Variants in NRG3 observed in about 807,000 individuals in gnomAD.
NRG3 encodes the protein neuregulin 3.
In NRG3, 31 loss-of-function variants were observed where a neutral mutation model predicts 66.9. The ratio of observed to expected loss-of-function variants is 0.46; its 90% CI spans 0.35 to 0.63. NRG3 has a LOEUF of 0.63. NRG3 is among the 20% of genes least tolerant of loss of function. The pLI is 0.00. For synonymous variants in NRG3, 393 were observed against 359.4 expected, an observed-to-expected ratio of 1.09 and a Z score of -1.06; for missense variants, 910 against 878.9, an observed-to-expected ratio of 1.04 and a Z score of -0.45.
rs572359329 is a variant in NRG3, at chr10:82,958,033, A to G, written c.1158-916A>G. 1.9e-4 allele frequency among the ~76,000 whole-genome samples: 29 copies of G among 152,220 alleles called. No individual in the cohort carries two copies. In the East Asian group the frequency reaches 4.5e-3, roughly 23 times the overall value. On this transcript the variant is annotated intron_variant, in intron 5 of 8. Coordinates refer to ENST00000372141, the MANE Select transcript of NRG3 (RefSeq NM_001010848.4). ...TTTGTCCCATCCTTCTGGTGTAGGC[A>G]CTGAGTGACCCAGACAACAGTCATT...
chr10:82,079,573 C>T (rs920350274), intron 1 of NRG3, among the ~76,000 whole-genome samples: 1 of 152,158 alleles, frequency 6.6e-6, no homozygotes, highest in Non-Finnish European at 1.5e-5. Context: ...CATGCACCCA[C>T]CAATACAGAA....
At chr10:82,627,673 C>T (rs892474449) in intron 2 of NRG3, among the ~76,000 whole-genome samples, 3 of 152,086 alleles carry the variant, frequency 2.0e-5, no homozygotes, top group Non-Finnish European at 2.9e-5. Flanking sequence ...ACAGACAGTG[C>T]CATTGCAGTT....
intron 4 of NRG3, among the ~76,000 whole-genome samples, chr10:82,867,012 AT>A (rs1488718705): frequency 1.3e-5 from 2 of 152,164 alleles, no homozygotes; most frequent in Non-Finnish European, 2.9e-5. Context: ...AAAGTTTCCC[AT>A]TAATATGATA....
chr10:82,823,647 T>C (rs932240519), intron 3 of NRG3, among the ~76,000 whole-genome samples: 5 of 152,006 alleles, frequency 3.3e-5, no homozygotes, highest in Admixed American at 1.3e-4. Flanking sequence ...TCTTCCAGAA[T>C]TGCCTTTGCG....
At chr10:82,409,476 T>C (rs1347200204) in intron 2 of NRG3, among the ~76,000 whole-genome samples, 1 of 131,558 alleles carries the variant, frequency 7.6e-6, no homozygotes, top group Non-Finnish European at 1.5e-5. Context: ...GTCTAATGAA[T>C]CTAATGAGTC....
intron 1 of NRG3, among the ~76,000 whole-genome samples, chr10:82,327,969 G>C (rs933382712): frequency 1.3e-5 from 2 of 152,128 alleles, no homozygotes; most frequent in Non-Finnish European, 2.9e-5. Flanking sequence ...TATCATATAA[G>C]GGACCTCTTC....
At chr10:82,066,301 G>T (rs886999770) in intron 1 of NRG3, among the ~76,000 whole-genome samples, 1 of 152,062 alleles carries the variant, frequency 6.6e-6, no homozygotes, top group African/African-American at 2.4e-5. Flanking sequence ...ATATTCATAT[G>T]TATTAATTTT....
chr10:82,640,117 A>T (rs1011221332), intron 2 of NRG3, among the ~76,000 whole-genome samples: 7 of 152,128 alleles, frequency 4.6e-5, no homozygotes, highest in Admixed American at 4.6e-4. Flanking sequence ...TTTTTGATGG[A>T]TGCATAGCAA....
chr10:81,918,791 A>G (rs890032161), intron 1 of NRG3, among the ~76,000 whole-genome samples: 3 of 149,130 alleles, frequency 2.0e-5, no homozygotes, highest in Non-Finnish European at 4.4e-5. Context: ...GGTTTCCTTG[A>G]CTTTGTTCAT....
chr10:82,696,229 G>A (rs184922179), intron 2 of NRG3, among the ~76,000 whole-genome samples: 22 of 152,152 alleles, frequency 1.4e-4, no homozygotes, highest in Admixed American at 1.3e-3. Flanking sequence ...GGTTTACTTC[G>A]CATAATTTAA....
chr10:82,893,460 CG>C lies in NRG3; in HGVS notation c.1054+28026del, dbSNP rs1350495581. 3.9e-5 allele frequency among the ~76,000 whole-genome samples: 6 copies of C among 152,254 alleles called. No homozygotes were observed. The East Asian group carries it at 1.2e-3, about 29-fold the overall frequency. ...ATCCCAGCACTTTGGGAAGCTAAGG[CG>C]GGCAGATCACGAGGTCAGGAGATCG... On this transcript the variant is annotated intron_variant, in intron 4 of 8. Transcript: ENST00000372141.
chr10:82,984,641 C>A, intron 8 of NRG3: 1 of 713,228 alleles, frequency 1.4e-6, no homozygotes, highest in Non-Finnish European at 2.3e-6. Flanking sequence ...ACTAGGGTGG[C>A]CACAACAAGT....
chr10:82,969,237 C>T (rs2132541662), intron 6 of NRG3, among the ~76,000 whole-genome samples: 1 of 152,124 alleles, frequency 6.6e-6, no homozygotes, highest in South Asian at 2.1e-4. Context: ...CTTCTAGGCA[C>T]CTAGGTTTTT....
intron 1 of NRG3, among the ~76,000 whole-genome samples, chr10:82,056,371 C>T (rs769500957): frequency 2.0e-5 from 3 of 151,862 alleles, no homozygotes; most frequent in Non-Finnish European, 4.4e-5. Flanking sequence ...GAAAGGAATG[C>T]CATAGGCTCA....
intron 2 of NRG3, among the ~76,000 whole-genome samples, chr10:82,682,713 G>A (rs2054197595): frequency 6.6e-6 from 1 of 152,118 alleles, no homozygotes; most frequent in Non-Finnish European, 1.5e-5. Context: ...TTATTCACCA[G>A]TCCTTTGATG....
At chr10:82,475,636 T>C (rs1395911592) in intron 2 of NRG3, among the ~76,000 whole-genome samples, 1 of 152,136 alleles carries the variant, frequency 6.6e-6, no homozygotes, top group East Asian at 1.9e-4. Flanking sequence ...AAATTGGATA[T>C]TCACATGCAA....
At chr10:82,901,214 T>C (rs926324243) in intron 4 of NRG3, among the ~76,000 whole-genome samples, 2 of 152,220 alleles carry the variant, frequency 1.3e-5, no homozygotes, top group African/African-American at 4.8e-5. Flanking sequence ...CAAAAATATA[T>C]TACATTTATT....
At chr10:82,123,342 G>A (rs75548197) in intron 1 of NRG3, among the ~76,000 whole-genome samples, 2,648 of 151,894 alleles carry the variant, frequency 0.017, 84 homozygotes, top group African/African-American at 0.059. Flanking sequence ...TCATTTTTTC[G>A]TTTAATACAT....
intron 1 of NRG3, among the ~76,000 whole-genome samples, chr10:81,922,118 C>T (rs1359066132): frequency 1.3e-5 from 2 of 152,038 alleles, no homozygotes; most frequent in African/African-American, 4.8e-5. Context: ...AATTAGGAAT[C>T]AATGTTGAAA....
Sources: allele counts gnomAD v4.1 joint callset (sites outside exome capture counted in the v4.1 genomes callset), GRCh38; gene constraint gnomAD v4.1.1; transcripts MANE v1.5; gene names NCBI Gene and HGNC (gene_info 2026-07-23, HGNC 2026-07-21).